CFAP20DC: variants seen among roughly 807,000 people sequenced by gnomAD.
The protein encoded by CFAP20DC is CFAP20 domain containing, also known as protein CFAP20DC.
Under a neutral mutation model 101.7 loss-of-function variants are expected in CFAP20DC, and 84 were observed. That is an observed-to-expected ratio of 0.83 (90% confidence interval 0.69 to 0.99). The LOEUF is 0.99. CFAP20DC is among the 50% of genes least tolerant of loss of function. The probability of loss-of-function intolerance (pLI) is 0.00; values close to 1 mark genes in which losing one functional copy is unlikely to be tolerated. For synonymous variants in CFAP20DC, 359 were observed against 351.2 expected (o/e 1.02, Z -0.25); for missense variants, 1,007 against 970.3 (o/e 1.04, Z -0.50).
intron 11 of CFAP20DC, among the ~76,000 whole-genome samples, chr3:58,865,249 C>G (rs2079583105): frequency 6.6e-6 from 1 of 151,960 alleles, no homozygotes; most frequent in African/African-American, 2.4e-5. Flanking sequence ...ATTTGCAACT[C>G]TAAAGCCTAC....
At chr3:59,011,114 G>GAGGCC (rs2093571426) in intron 4 of CFAP20DC, among the ~76,000 whole-genome samples, 3 of 152,234 alleles carry the variant, frequency 2.0e-5, no homozygotes, top group South Asian at 4.1e-4. Context: ...AAGTCTGAAT[G>GAGGCC]AGGCCAGGCA....
chr3:58,777,732 C>T (rs758392182), intron 15 of CFAP20DC, among the ~76,000 whole-genome samples: 2 of 152,092 alleles, frequency 1.3e-5, no homozygotes, highest in Non-Finnish European at 2.9e-5. Context: ...GTGGGAGGCC[C>T]CTACTGGTCC....
Position 58,917,755 on chromosome 3 carries a change from T to C in CFAP20DC, c.394-3891A>G, listed in dbSNP as rs576466959. 2.0e-5 allele frequency among the ~76,000 whole-genome samples: 3 copies of C among 152,296 alleles called. No individual in the cohort carries two copies. In the South Asian group the frequency reaches 6.2e-4, roughly 32 times the overall value. On this transcript the variant is annotated intron_variant, in intron 5 of 16. Transcript: ENST00000482387. ...CAGAGATTGAAATTGTAATTCTATA[T>C]TTACAAGGTTAGAAGAAGCAATTAC...
downstream of CFAP20DC, among the ~76,000 whole-genome samples, chr3:58,740,974 T>C (rs1231085483): frequency 1.3e-5 from 2 of 152,230 alleles, no homozygotes; most frequent in Non-Finnish European, 2.9e-5. This position sits in a 1 kb window ranked among gnomAD's most constrained non-coding sequence, Gnocchi z 4.6. Context: ...AGGCATACTT[T>C]GTGAACAACA....
rs114253229 is a variant in CFAP20DC at position 58,909,888 on chromosome 3, C to T, written c.550+3820G>A. Reference sequence around the variant, plus strand: ...GCCTGAAGTTCTCCCTCCTCTTGTTCCCTACTCCCCAACAGGCCCCAGTGT... The same window carrying T: ...GCCTGAAGTTCTCCCTCCTCTTGTTTCCTACTCCCCAACAGGCCCCAGTGT... On this transcript the variant is annotated intron_variant, in intron 6 of 16. Transcript: ENST00000482387. 4.8e-3 allele frequency among the ~76,000 whole-genome samples: 725 copies of T among 152,166 alleles called. 2 individuals are homozygous for T. The highest frequency in any genetic ancestry group is 0.011 in the South Asian group (55 of 4,818).
chr3:58,982,337 T>C (rs1197371530), intron 4 of CFAP20DC, among the ~76,000 whole-genome samples: 2 of 152,158 alleles, frequency 1.3e-5, no homozygotes, highest in African/African-American at 4.8e-5. Flanking sequence ...GAAATACCAT[T>C]TGACCCAGCC....
At chr3:58,819,436 A>T (rs1244745437) in intron 14 of CFAP20DC, among the ~76,000 whole-genome samples, 14 of 151,014 alleles carry the variant, frequency 9.3e-5, no homozygotes, top group Non-Finnish European at 1.8e-4. Context: ...TCAAATAGAC[A>T]CAATAAAAAA....
chr3:58,757,258 G>C (rs1481858207), intron 15 of CFAP20DC, among the ~76,000 whole-genome samples: 3 of 152,064 alleles, frequency 2.0e-5, no homozygotes, highest in Admixed American at 6.6e-5. Context: ...TCTGATATGA[G>C]AGGTGAGAAC....
intron 12 of CFAP20DC, chr3:58,862,874 G>A: frequency 1.0e-6 from 1 of 983,632 alleles, no homozygotes; most frequent in Non-Finnish European, 1.2e-6. Context: ...ACTTCCTATG[G>A]GGAAAAAGTT....
chr3:58,807,489 G>C (rs553780811), intron 14 of CFAP20DC, among the ~76,000 whole-genome samples: 5 of 152,324 alleles, frequency 3.3e-5, no homozygotes, highest in African/African-American at 7.2e-5. Context: ...AACTCCAACA[G>C]ACCTGCAGCT....
chr3:58,849,667 A>G (rs1304961337), intron 12 of CFAP20DC, among the ~76,000 whole-genome samples: 1 of 152,206 alleles, frequency 6.6e-6, no homozygotes, highest in Non-Finnish European at 1.5e-5. Context: ...GAAAAACAAG[A>G]GAACATTTAA....
chr3:58,895,438 CTT>C (rs749631905), intron 6 of CFAP20DC, among the ~76,000 whole-genome samples: 2 of 152,334 alleles, frequency 1.3e-5, no homozygotes, highest in Non-Finnish European at 2.9e-5. Context: ...CCACCAGTCT[CTT>C]TGCTAAAACA....
intron 5 of CFAP20DC, among the ~76,000 whole-genome samples, chr3:58,931,620 A>C (rs1189294300): frequency 1.3e-5 from 2 of 152,142 alleles, no homozygotes; most frequent in African/African-American, 4.8e-5. Flanking sequence ...GTTCATGAAA[A>C]TCTGCTGTTC....
chr3:58,872,488 C>T (rs1337385420), intron 7 of CFAP20DC, among the ~76,000 whole-genome samples: 1 of 152,046 alleles, frequency 6.6e-6, no homozygotes, highest in Admixed American at 6.5e-5. Context: ...TGTTTTGGGT[C>T]TGTTTTTGTG....
At chr3:58,719,799 C>A (rs1459421181) in intron 3 of CFAP20DC, among the ~76,000 whole-genome samples, 1 of 152,346 alleles carries the variant, frequency 6.6e-6, no homozygotes, top group East Asian at 1.9e-4. Context: ...GAGGTTAAGA[C>A]CATGGGCTTA....
chr3:58,890,141 G>A (rs1183965889), intron 6 of CFAP20DC, among the ~76,000 whole-genome samples: 7 of 147,218 alleles, frequency 4.8e-5, no homozygotes, highest in South Asian at 2.2e-4. Context: ...GGGCAGAGGC[G>A]CCCCTCACCT....
chr3:58,846,021 A>G (rs1295422331), intron 13 of CFAP20DC, among the ~76,000 whole-genome samples: 3 of 150,822 alleles, frequency 2.0e-5, no homozygotes, highest in African/African-American at 7.4e-5. Flanking sequence ...TTTCAAAATA[A>G]TAAGAGCTAT....
chr3:58,849,129 G>C lies in CFAP20DC; in HGVS notation c.1874C>G (p.Ala625Gly). 1 of 1,536,052 alleles carries C rather than the reference G, an allele frequency of 6.5e-7. No individual in the cohort carries two copies. ...CQKTPEPVIK[A>G]KDLSAQQVPA... ...CACTTGCTGGGCTGATAGATCCTTC[G>C]CTTTGATTACGGGCTCTGGAGTTTT... Residue 625 changes from alanine (A) to glycine (G), a missense_variant, in exon 13 of 17, where the codon GCG (alanine) becomes GGG (glycine). Ala to Gly is a moderately conservative substitution (Grantham distance 60, BLOSUM62 0). Transcript: ENST00000482387.
intron 6 of CFAP20DC, among the ~76,000 whole-genome samples, chr3:58,889,436 G>A (rs1231177885): frequency 6.6e-6 from 1 of 152,080 alleles, no homozygotes; most frequent in East Asian, 1.9e-4. Flanking sequence ...GGAGGAAGCT[G>A]ACCTAGCTCC....
Sources: allele counts gnomAD v4.1 joint callset (sites outside exome capture counted in the v4.1 genomes callset), GRCh38; gene constraint gnomAD v4.1.1; non-coding constraint Gnocchi (gnomAD v3.1); transcripts MANE v1.5; gene names NCBI Gene and HGNC (gene_info 2026-07-23, HGNC 2026-07-21).